JCHAIN: variants seen among roughly 807,000 people sequenced by gnomAD.
JCHAIN encodes the protein immunoglobulin J chain.
A neutral mutation model predicts 11.1 loss-of-function variants in JCHAIN; 5 were observed. The observed-to-expected ratio is 0.45, with a 90% confidence interval of 0.24 to 0.95. JCHAIN has a LOEUF of 0.95. Among genes scored for constraint, JCHAIN ranks in the 40% least tolerant of loss-of-function variants. JCHAIN has a pLI of 0.21. For missense variants in JCHAIN, 165 were observed against 192.7 expected (o/e 0.86, Z 0.85); for synonymous variants, 51 against 67.8 (o/e 0.75, Z 1.22).
Position 70,666,434 on chromosome 4 carries a change from A to C in JCHAIN, c.57T>G (p.His19Gln), listed in dbSNP as rs373482441. 6.2e-7 allele frequency: 1 copy of C among 1,607,082 alleles called. No homozygotes were observed. Among genetic ancestry groups the C allele is most frequent in the Non-Finnish European group, 8.5e-7 (1 of 1,173,760 alleles). The change falls in exon 1 of 4, where the codon CAT (histidine) becomes CAG (glutamine). Residue 19 changes from histidine to glutamine, a missense_variant. Coordinates refer to ENST00000254801, the MANE Select transcript of JCHAIN (RefSeq NM_144646.4). ...GVLAVFIKAV[H>Q]VKAQEDERIV... ...TTTCTAAATATCACATACCTTTCAC[A>C]TGAACAGCCTTAATAAAAACCGCCA...
intron 3 of JCHAIN, among the ~76,000 whole-genome samples, chr4:70,656,937 C>A (rs17734487): frequency 6.6e-6 from 1 of 151,926 alleles, no homozygotes; most frequent in African/African-American, 2.4e-5. Flanking sequence ...AGATCAAATC[C>A]ACTTATTGAA....
chr4:70,659,579 A>AAAAAAAAAAAC (rs1739016624), intron 2 of JCHAIN, among the ~76,000 whole-genome samples: 1 of 146,694 alleles, frequency 6.8e-6, no homozygotes, highest in Non-Finnish European at 1.5e-5. Flanking sequence ...AAAAAAAAAA[A>AAAAAAAAAAAC]AGCCAGGCAC....
intron 1 of JCHAIN, among the ~76,000 whole-genome samples, chr4:70,666,205 T>C (rs1739150163): frequency 6.6e-6 from 1 of 152,180 alleles, no homozygotes; most frequent in Non-Finnish European, 1.5e-5. Context: ...TTTCTTATTC[T>C]CTAGTTTGTA....
intron 2 of JCHAIN, among the ~76,000 whole-genome samples, chr4:70,659,717 C>T (rs553461920): frequency 0.022 from 3,374 of 150,970 alleles, 112 homozygotes; most frequent in African/African-American, 0.072. Flanking sequence ...CAAAAAAAAA[C>T]TAGCTGGGCA....
intron 2 of JCHAIN, among the ~76,000 whole-genome samples, chr4:70,658,044 C>T (rs745818896): frequency 6.6e-6 from 1 of 152,122 alleles, no homozygotes; most frequent in African/African-American, 2.4e-5. Context: ...ACAACAAAAA[C>T]CTTGTGTTTC....
chr4:70,658,800 G>A (rs577332487), intron 2 of JCHAIN, among the ~76,000 whole-genome samples: 14 of 152,036 alleles, frequency 9.2e-5, no homozygotes, highest in South Asian at 6.2e-4. Context: ...GATTGGACTG[G>A]GTGCCCCTCC....
At chr4:70,666,402 G>C (rs1480567349) in intron 1 of JCHAIN, 25 bp downstream of exon 1, 4 of 1,535,334 alleles carry the variant, frequency 2.6e-6, no homozygotes, top group Non-Finnish European at 3.6e-6. Flanking sequence ...CTTTGATCTG[G>C]GATCATTTTC....
rs1310730225 is a variant in JCHAIN at position 70,656,111 on chromosome 4, A to G, written c.*218T>C. 2.0e-6 allele frequency: 1 copy of G among 507,416 alleles called. No individual in the cohort carries two copies. Among genetic ancestry groups the G allele is most frequent in the East Asian group, 3.1e-5 (1 of 31,750 alleles). 31.4% of individuals were successfully genotyped at this position (507,416 alleles called of 1,614,324 possible). A position where few individuals can be genotyped will look rare whatever the true frequency, so the allele number is the denominator to read the frequency against. On this transcript the variant is annotated 3_prime_UTR_variant, in exon 4 of 4. Transcript: ENST00000254801. ...TGAGCATGATAATTGGAAGATTTTG[A>G]TACTTAGAGTATGAACATATAATTA...
rs1215449936 is a variant in JCHAIN, at chr4:70,666,467, C to G, written c.24G>C (p.Trp8Cys). 2 of 1,613,310 alleles carry G rather than the reference C, an allele frequency of 1.2e-6. No homozygotes were observed. Among genetic ancestry groups the G allele is most frequent in the African/African-American group, 1.3e-5 (1 of 74,996 alleles). The change falls in exon 1 of 4, where the codon TGG becomes TGC. Residue 8 changes from tryptophan to cysteine, a missense_variant. Coordinates refer to ENST00000254801, the MANE Select transcript of JCHAIN (RefSeq NM_144646.4). MKNHLLFWGVLAVFIKAV... is the reference protein window; with the variant it reads MKNHLLFCGVLAVFIKAV... Reference sequence around the variant, plus strand: ...CCTTAATAAAAACCGCCAGGACTCCCCAGAAAAGCAAATGGTTCTTCATCT... The same window carrying G: ...CCTTAATAAAAACCGCCAGGACTCCGCAGAAAAGCAAATGGTTCTTCATCT...
rs376801317 is a variant in JCHAIN, at chr4:70,656,308, T to C, written c.*21A>G. The C allele has an allele frequency of 2.6e-6, 4 of 1,530,726 alleles. No homozygotes were observed. Among genetic ancestry groups the C allele is most frequent in the East Asian group, 4.5e-5 (2 of 44,456 alleles). 94.8% of individuals were successfully genotyped at this position (1,530,726 alleles called of 1,614,324 possible). ...GAGAGCCTCTCAAGAAAAAGAGCTA[T>C]GCAGTCAGCAATGACTTAAATTAGT... On this transcript the variant is annotated 3_prime_UTR_variant, in exon 4 of 4. Coordinates refer to ENST00000254801, the MANE Select transcript of JCHAIN (RefSeq NM_144646.4).
chr4:70,660,815 T>G (rs529057700), intron 2 of JCHAIN, among the ~76,000 whole-genome samples: 186 of 152,316 alleles, frequency 1.2e-3, no homozygotes, highest in Non-Finnish European at 1.6e-3. Flanking sequence ...GGGGAAACCA[T>G]CACAAGACTT....
intron 2 of JCHAIN, among the ~76,000 whole-genome samples, chr4:70,657,937 A>T (rs16845326): frequency 0.027 from 4,073 of 152,292 alleles, 92 homozygotes; most frequent in African/African-American, 0.063. Context: ...GAAAAATTAG[A>T]TGATTGTCAA....
At chr4:70,665,895 G>A (rs1377724741) in intron 1 of JCHAIN, 2 of 329,590 alleles carry the variant, frequency 6.1e-6, no homozygotes, top group Non-Finnish European at 1.2e-5. Flanking sequence ...TTCTGAAGTT[G>A]TTTGAAAGAT....
At chr4:70,665,861 T>C (rs945519307) in intron 1 of JCHAIN, 63 of 346,470 alleles carry the variant, frequency 1.8e-4, no homozygotes, top group Non-Finnish European at 3.5e-4. Context: ...ATACTGTACC[T>C]CTAAATTCAG....
At chr4:70,662,362 C>G in intron 1 of JCHAIN, 147 bp from the exon 2 acceptor site, 1 of 672,084 alleles carries the variant, frequency 1.5e-6, no homozygotes, top group Non-Finnish European at 2.5e-6. Context: ...TAAGCAGAAT[C>G]TTACATCACA....
chr4:70,662,263 A>T (rs964692014), intron 1 of JCHAIN, 48 bp from the exon 2 acceptor site: 3 of 1,546,922 alleles, frequency 1.9e-6, no homozygotes, highest in East Asian at 2.3e-5. Flanking sequence ...AGGTCAATTT[A>T]TATATTTTGT....
chr4:70,656,216 A>C lies in JCHAIN; in HGVS notation c.*113T>G. ...CAGGGAGTTGGTTTTACATCACCCA[A>C]AAAAAAAAAAAAGCCCTGGTTTCAA... On this transcript the variant is annotated 3_prime_UTR_variant, in exon 4 of 4. Transcript: ENST00000254801. The C allele has an allele frequency of 8.4e-6, 3 of 355,322 alleles. No homozygotes were observed. The highest frequency in any genetic ancestry group is 9.6e-6 in the Non-Finnish European group (2 of 207,578). The allele number at this position is 355,322 out of a possible 1,614,324, so 22.0% of individuals were successfully genotyped here.
In JCHAIN at chr4:70,656,094, A is replaced by G. The variant is rs1045626348; in HGVS notation, c.*235T>C. Reference sequence around the variant, plus strand: ...AGCATACCTCTTTCAGGTGAGCATGATAATTGGAAGATTTTGATACTTAGA... The same window carrying G: ...AGCATACCTCTTTCAGGTGAGCATGGTAATTGGAAGATTTTGATACTTAGA... On this transcript the variant is annotated 3_prime_UTR_variant, in exon 4 of 4. Coordinates refer to ENST00000254801, the MANE Select transcript of JCHAIN (RefSeq NM_144646.4). 4.2e-6 allele frequency: 2 copies of G among 475,906 alleles called. No homozygotes were observed. The highest frequency in any genetic ancestry group is 3.9e-5 in the African/African-American group (2 of 50,922). The allele number at this position is 475,906 out of a possible 1,614,324, so 29.5% of individuals were successfully genotyped here.
chr4:70,665,313 A>C (rs539238036), intron 1 of JCHAIN, among the ~76,000 whole-genome samples: 55 of 152,286 alleles, frequency 3.6e-4, no homozygotes, highest in Non-Finnish European at 6.0e-4. Context: ...CAGAAGTAAT[A>C]ATAGTATTTA....
Sources: gnomAD v4.1 joint callset for allele counts (sites outside exome capture counted in the v4.1 genomes callset) on GRCh38, gnomAD v4.1.1 for gene constraint, MANE v1.5 for transcripts, NCBI Gene and HGNC (gene_info 2026-07-23, HGNC 2026-07-21) for gene names.